The following STRN4 variants were observed in gnomAD, a reference collection of about 807,000 sequenced individuals.
The protein encoded by STRN4 is striatin 4, also known as striatin-4.
STRN4 carries 27 observed loss-of-function variants against 77.9 expected under a neutral mutation model. The observed-to-expected ratio is 0.35, with a 90% CI of 0.26 to 0.48. STRN4 has a LOEUF of 0.48. STRN4 is among the 20% of genes least tolerant of loss of function. The pLI, the probability that STRN4 is intolerant of heterozygous loss-of-function variation, is 0.99. For missense variants in STRN4, 798 were observed against 1,049.7 expected, an observed-to-expected ratio of 0.76 and a Z score of 3.31; for synonymous variants, 466 against 443.1, an observed-to-expected ratio of 1.05 and a Z score of -0.65.
chr19:46,743,683 T>TAG (rs541056353), intron 1 of STRN4, among the ~76,000 whole-genome samples: 108 of 152,250 alleles, frequency 7.1e-4, no homozygotes, highest in African/African-American at 2.6e-3. Flanking sequence ...GTGGATCTCT[T>TAG]GAGGCCAGGA....
chr19:46,724,790 G>C lies in STRN4; in HGVS notation c.1594+17C>G, dbSNP rs200485560. 6.2e-7 allele frequency: 1 copy of C among 1,613,890 alleles called. No homozygotes were observed. The highest frequency in any genetic ancestry group is 8.5e-7 in the Non-Finnish European group (1 of 1,179,998). ...CCCCAGTGGATGTGAGGGGAAGGCG[G>C]GAGGCGTTGTCCTCACCGTAGCCAT... is the stretch of plus-strand genomic sequence containing the variant. On this transcript the variant is annotated intron_variant, in intron 12 of 17. Coordinates refer to ENST00000263280, the MANE Select transcript of STRN4 (RefSeq NM_013403.3).
In STRN4 at chr19:46,727,545, G is replaced by A. The variant is rs771256305; in HGVS notation, c.1155C>T (p.Asp385=). The A allele has an allele frequency of 3.3e-5, 54 of 1,613,812 alleles. No individual in the cohort carries two copies. The highest frequency in any genetic ancestry group is 6.6e-5 in the South Asian group (6 of 91,072). ...CCCCGATAGTGTCCATGATGAAGAC[G>A]TCTGAGGAGAAGCCAAAGGAACCTG... ...PGTPQPRPHE[D]VFIMDTIGGG... The change falls in exon 9 of 18, where the codon GAC becomes GAT. Residue 385 remains aspartate (D), a splice_region_variant and synonymous_variant. Transcript: ENST00000263280.
chr19:46,746,104 G>GGGCCA (rs2122467573), intron 1 of STRN4, 45 bp downstream of exon 1: 2 of 1,421,266 alleles, frequency 1.4e-6, no homozygotes, highest in Non-Finnish European at 1.8e-6. Context: ...AGGCCGGGCC[G>GGGCCA]GGCCGGGCCG....
Position 46,746,260 on chromosome 19 carries a change from C to A in STRN4, c.171G>T (p.Thr57=). The change falls in exon 1 of 18, where the codon ACG becomes ACT. Residue 57 remains threonine, a synonymous_variant. Coordinates refer to ENST00000263280, the MANE Select transcript of STRN4 (RefSeq NM_013403.3). ...GGGGGGSPGP[T]AGPEPLSLPG... Reference sequence around the variant, plus strand: ...GCAGGCTCAGGGGCTCCGGGCCCGCCGTGGGCCCGGGGCTGCCTCCGCCGC... The same window carrying A: ...GCAGGCTCAGGGGCTCCGGGCCCGCAGTGGGCCCGGGGCTGCCTCCGCCGC... 1 of 1,490,370 alleles carries A rather than the reference C, an allele frequency of 6.7e-7. No homozygotes were observed. Among genetic ancestry groups the A allele is most frequent in the Non-Finnish European group, 8.9e-7 (1 of 1,126,922 alleles). 92.3% of individuals were successfully genotyped at this position (1,490,370 alleles called of 1,614,324 possible).
chr19:46,738,265 G>T lies in STRN4; in HGVS notation c.387-28C>A. 1 of 1,598,854 alleles carries T rather than the reference G, an allele frequency of 6.3e-7. No individual in the cohort carries two copies. The highest frequency in any genetic ancestry group is 1.1e-5 in the South Asian group (1 of 90,802). ...AAAAGAGCAAATGATTAATGAATAA[G>T]AGATGCGGGAGAGTAGACAGGGTCA... On this transcript the variant is annotated intron_variant, in intron 2 of 17. Coordinates refer to ENST00000263280, the MANE Select transcript of STRN4 (RefSeq NM_013403.3). The surrounding 1 kb of genome is among the most constrained non-coding windows in gnomAD (Gnocchi z 4.5).
Position 46,746,369 on chromosome 19 carries a change from C to A in STRN4, c.62G>T (p.Gly21Val), listed in dbSNP as rs1189702749. Residue 21 changes from glycine to valine, a missense_variant, in exon 1 of 18, where the codon GGC (glycine) becomes GTC (valine). Gly to Val is a moderately radical substitution (Grantham distance 109). Around this residue, in one of 2 missense-constraint regions of STRN4, gnomAD observed 511 missense variants for 575.9 expected, o/e 0.89. Coordinates refer to ENST00000263280, the MANE Select transcript of STRN4 (RefSeq NM_013403.3). ...AAAASSCRPL[G>V]SGAGPGPTGA... ...AGTGGGGCCAGGGCCCGCGCCTGAG[C>A]CGAGCGGACGGCAGGAGGAGGCGGC... 8.7e-7 allele frequency: 1 copy of A among 1,155,636 alleles called. No individual in the cohort carries two copies. Among genetic ancestry groups the A allele is most frequent in the Non-Finnish European group, 1.1e-6 (1 of 940,744 alleles). The allele number at this position is 1,155,636 out of a possible 1,614,324, so 71.6% of individuals were successfully genotyped here. A position where few individuals can be genotyped will look rare whatever the true frequency, so the allele number is the denominator to read the frequency against.
At chr19:46,727,819 G>T in intron 8 of STRN4, 75 bp downstream of exon 8, 2 of 1,340,358 alleles carry the variant, frequency 1.5e-6, no homozygotes, top group Non-Finnish European at 2.0e-6. Flanking sequence ...AGACACAGAA[G>T]CCCTGGGCTC....
chr19:46,743,918 AAAATAAAT>A (rs201868012), intron 1 of STRN4, among the ~76,000 whole-genome samples: 66 of 151,676 alleles, frequency 4.4e-4, no homozygotes, highest in Non-Finnish European at 8.2e-4. Flanking sequence ...AATAAAAATA[AAAATAAAT>A]AAATAAATAA....
chr19:46,739,026 G>T, intron 1 of STRN4, 138 bp from the exon 2 acceptor site: 1 of 714,460 alleles, frequency 1.4e-6, no homozygotes. Context: ...CAGGCACAAA[G>T]ATCCCAAGCC....
chr19:46,723,332 C>G lies in STRN4; in HGVS notation c.1595-48G>C. On this transcript the variant is annotated intron_variant, in intron 12 of 17. Coordinates refer to ENST00000263280, the MANE Select transcript of STRN4 (RefSeq NM_013403.3). The surrounding 1 kb of genome is among the most constrained non-coding windows in gnomAD (Gnocchi z 5.5). Reference sequence around the variant, plus strand: ...ATGGGCTGTGTCAGGGCTGCCAGCTCCTCCCTGGACAGCCCAGAGCCCCAG... The same window carrying G: ...ATGGGCTGTGTCAGGGCTGCCAGCTGCTCCCTGGACAGCCCAGAGCCCCAG... The G allele has an allele frequency of 6.7e-7, 1 of 1,502,876 alleles. No homozygotes were observed. 93.1% of individuals were successfully genotyped at this position (1,502,876 alleles called of 1,614,324 possible).
intron 6 of STRN4, among the ~76,000 whole-genome samples, chr19:46,729,972 C>T (rs577962600): frequency 6.6e-6 from 1 of 152,124 alleles, no homozygotes; most frequent in African/African-American, 2.4e-5. Context: ...AGGGCTGCTG[C>T]GTAGAGACAG....
chr19:46,727,070 G>C (rs1181670239), intron 9 of STRN4, among the ~76,000 whole-genome samples: 1 of 152,172 alleles, frequency 6.6e-6, no homozygotes, highest in African/African-American at 2.4e-5. Flanking sequence ...AAGGCTCCCA[G>C]CTGGCCAAAG....
chr19:46,736,226 G>A (rs971975533), intron 4 of STRN4: 2 of 152,096 alleles, frequency 1.3e-5, no homozygotes, highest in Non-Finnish European at 2.9e-5. Context: ...GCAGTGAGCT[G>A]AGATCGTGCC....
At position 46,722,225 on chromosome 19, in the gene STRN4, A is replaced by C; in HGVS notation, c.2005+17T>G. On this transcript the variant is annotated intron_variant, in intron 15 of 17. Coordinates refer to ENST00000263280, the MANE Select transcript of STRN4 (RefSeq NM_013403.3). ...GGCCCTCCCCACCCACTACGAGCAC[A>C]AGGGGCTAGGCCTCACCTGTCCGAT... 6.2e-7 allele frequency: 1 copy of C among 1,613,414 alleles called. No individual in the cohort carries two copies. The highest frequency in any genetic ancestry group is 1.7e-4 in the Middle Eastern group (1 of 6,058).
chr19:46,722,342 T>C lies in STRN4; in HGVS notation c.1907-2A>G. The C allele has an allele frequency of 6.2e-7, 1 of 1,613,810 alleles. No homozygotes were observed. The highest frequency in any genetic ancestry group is 8.5e-7 in the Non-Finnish European group (1 of 1,179,852). On this transcript the variant is annotated splice_acceptor_variant, in intron 14 of 17. Coordinates refer to ENST00000263280, the MANE Select transcript of STRN4 (RefSeq NM_013403.3). LOFTEE classifies it high-confidence loss of function. ...CCACTTGGTTGATCTGGGTTGGACC[T>C]GAAGGAAAACGCAGGAAGAGGGAAG...
At chr19:46,736,996 T>G in intron 3 of STRN4, 95 bp from the exon 4 acceptor site, 1 of 1,258,046 alleles carries the variant, frequency 7.9e-7, no homozygotes, top group Non-Finnish European at 1.1e-6. Flanking sequence ...CCCAAATCGG[T>G]CACTGTCGCA....
At chr19:46,724,650 T>C (rs898003305) in intron 12 of STRN4, among the ~76,000 whole-genome samples, 157 bp downstream of exon 12, 1 of 152,250 alleles carries the variant, frequency 6.6e-6, no homozygotes, top group Admixed American at 6.5e-5. Context: ...GGCCACGCGC[T>C]GCATCGCGCT....
rs1323469767 is a variant in STRN4, at chr19:46,728,726, C to T, written c.931G>A (p.Asp311Asn). Residue 311 changes from aspartate to asparagine, a missense_variant, in exon 7 of 18, where the codon GAC becomes AAC. Transcript: ENST00000263280. ...PEMEDEDEED[D>N]SEDAINEFDF... ...AACTCATTGATAGCATCCTCAGAGTCGTCTTCCTCATCCTCGTCTTCCATT... is the reference window on the plus strand; with the variant it reads ...AACTCATTGATAGCATCCTCAGAGTTGTCTTCCTCATCCTCGTCTTCCATT... 5.0e-6 allele frequency: 8 copies of T among 1,614,078 alleles called. No individual in the cohort carries two copies. The highest frequency in any genetic ancestry group is 3.3e-5 in the Admixed American group (2 of 60,006).
intron 6 of STRN4, among the ~76,000 whole-genome samples, chr19:46,730,321 C>A (rs1212864593): frequency 6.6e-6 from 1 of 152,158 alleles, no homozygotes; most frequent in African/African-American, 2.4e-5. Flanking sequence ...ACAGACCAGA[C>A]AGGGAGGACC....
Sources: gnomAD v4.1 joint callset for allele counts (sites outside exome capture counted in the v4.1 genomes callset) on GRCh38, gnomAD v4.1.1 for gene constraint, gnomAD v4.1.1 regional missense constraint, Gnocchi (gnomAD v3.1) non-coding constraint, MANE v1.5 for transcripts, NCBI Gene and HGNC (gene_info 2026-07-23, HGNC 2026-07-21) for gene names.